The following SIPA1L1 variants were observed in gnomAD, a reference collection of about 807,000 sequenced individuals.
SIPA1L1 encodes signal-induced proliferation-associated 1-like protein 1.
SIPA1L1 carries 26 observed loss-of-function variants against 162.7 expected under a neutral mutation model. That is an observed-to-expected ratio of 0.16 (90% CI 0.12 to 0.22). The LOEUF (loss-of-function observed/expected upper bound fraction) is 0.22, where lower values mean the gene tolerates loss of function less well. Ranked by LOEUF, SIPA1L1 falls within the 10% of genes least tolerant of loss-of-function variation. The pLI is 1.00. For synonymous variants in SIPA1L1, 829 were observed against 837.4 expected (o/e 0.99, Z 0.17); for missense variants, 1,874 against 2,241.0 (o/e 0.84, Z 3.31).
chr14:71,393,085 A>G (rs1157100093), intron 2 of SIPA1L1, among the ~76,000 whole-genome samples: 1 of 152,364 alleles, frequency 6.6e-6, no homozygotes, highest in South Asian at 2.1e-4. Flanking sequence ...AAACCTTTGA[A>G]GTGTGTAAGA....
intron 4 of SIPA1L1, among the ~76,000 whole-genome samples, chr14:71,534,381 C>T (rs1030256057): frequency 2.6e-5 from 4 of 152,072 alleles, no homozygotes; most frequent in South Asian, 2.1e-4. Context: ...ATTATTTATT[C>T]GTGGCAGCAA....
intron 5 of SIPA1L1, among the ~76,000 whole-genome samples, chr14:71,599,761 A>G (rs1435854711): frequency 6.6e-6 from 1 of 152,080 alleles, no homozygotes; most frequent in East Asian, 1.9e-4. Context: ...TTTTCTCTGC[A>G]TCTTCACCAA....
chr14:71,577,246 C>T (rs537034137), intron 4 of SIPA1L1, among the ~76,000 whole-genome samples: 11 of 152,292 alleles, frequency 7.2e-5, no homozygotes, highest in Admixed American at 3.3e-4. Flanking sequence ...CATGCCTGCG[C>T]TGGACTGCAG....
At chr14:71,438,588 AGGACCAC>A (rs1239467822) in intron 2 of SIPA1L1, among the ~76,000 whole-genome samples, 2 of 152,242 alleles carry the variant, frequency 1.3e-5, no homozygotes, top group Non-Finnish European at 2.9e-5. Context: ...ATGTGGTAAA[AGGACCAC>A]GGTTGCTTTG....
In SIPA1L1 at chr14:71,481,487, A is replaced by AAAAC. The variant is rs1218497247; in HGVS notation, c.-464-31241_-464-31238dup. Among the ~76,000 whole-genome samples, 24 of 152,228 alleles carry AAAAC rather than the reference A, an allele frequency of 1.6e-4. No homozygotes were observed. The East Asian group carries it at 4.1e-3, about 26-fold the overall frequency. Reference sequence around the variant, plus strand: ...CCTGGGTGATAGCCAGACCTTCTGTAAAACAAACAAACAAACAACAACAAC... The same window carrying AAAAC: ...CCTGGGTGATAGCCAGACCTTCTGTAAAACAAACAAACAAACAAACAACAACAAC... On this transcript the variant is annotated intron_variant, in intron 2 of 23. Transcript: ENST00000381232.
At chr14:71,431,145 C>G (rs2043958247) in intron 2 of SIPA1L1, among the ~76,000 whole-genome samples, 1 of 152,134 alleles carries the variant, frequency 6.6e-6, no homozygotes, top group South Asian at 2.1e-4. Flanking sequence ...CTCACAGATC[C>G]TTGTTCTGCT....
At chr14:71,618,944 A>G in intron 6 of SIPA1L1, 57 bp downstream of exon 6, 1 of 1,573,138 alleles carries the variant, frequency 6.4e-7, no homozygotes, top group Non-Finnish European at 8.7e-7. Context: ...GAAAGCAAAT[A>G]GTAGCAGTAG....
intron 5 of SIPA1L1, among the ~76,000 whole-genome samples, chr14:71,593,447 A>G (rs2035652045): frequency 6.6e-6 from 1 of 151,996 alleles, no homozygotes; most frequent in Non-Finnish European, 1.5e-5. Context: ...CCTGGCCTTA[A>G]GTGATCTGCC....
At chr14:71,373,791 C>T (rs1271992843) in intron 2 of SIPA1L1, among the ~76,000 whole-genome samples, 1 of 151,952 alleles carries the variant, frequency 6.6e-6, no homozygotes, top group Non-Finnish European at 1.5e-5. Flanking sequence ...CCTGGTTGGG[C>T]TCAGTGGCTC....
intron 2 of SIPA1L1, among the ~76,000 whole-genome samples, chr14:71,437,736 T>C (rs932689265): frequency 6.6e-6 from 1 of 152,142 alleles, no homozygotes; most frequent in African/African-American, 2.4e-5. Context: ...CAACAAACAT[T>C]TCTGTTTTCC....
At chr14:71,582,667 T>C (rs749463058) in intron 4 of SIPA1L1, among the ~76,000 whole-genome samples, 6 of 152,222 alleles carry the variant, frequency 3.9e-5, no homozygotes, top group Non-Finnish European at 7.3e-5. Flanking sequence ...TCTATTCACT[T>C]TGTTAATTTT....
At chr14:71,544,051 A>G (rs1421148947) in intron 4 of SIPA1L1, among the ~76,000 whole-genome samples, 1 of 151,372 alleles carries the variant, frequency 6.6e-6, no homozygotes, top group African/African-American at 2.4e-5. Flanking sequence ...ACACGCACGC[A>G]CATGTATGTA....
At chr14:71,566,728 T>C (rs1195682874) in intron 4 of SIPA1L1, among the ~76,000 whole-genome samples, 2 of 152,230 alleles carry the variant, frequency 1.3e-5, no homozygotes, top group Non-Finnish European at 2.9e-5. Flanking sequence ...TAAAGGAACA[T>C]TTCTAAACTT....
intron 20 of SIPA1L1, among the ~76,000 whole-genome samples, chr14:71,731,233 A>G (rs998162374): frequency 6.6e-6 from 1 of 152,170 alleles, no homozygotes; most frequent in Non-Finnish European, 1.5e-5. Flanking sequence ...GCCCACGCTC[A>G]TGAATGTTCC....
chr14:71,368,421 TG>T (rs1180813181), intron 2 of SIPA1L1, among the ~76,000 whole-genome samples: 1 of 112,042 alleles, frequency 8.9e-6, no homozygotes, highest in Non-Finnish European at 1.8e-5. Context: ...TTTGGTTTTT[TG>T]TTCTTGCGAT....
At chr14:71,687,810 A>AC (rs2080979300) in intron 13 of SIPA1L1, among the ~76,000 whole-genome samples, 1 of 152,164 alleles carries the variant, frequency 6.6e-6, no homozygotes, top group Non-Finnish European at 1.5e-5. Flanking sequence ...CTTCTAGAAG[A>AC]CCATTAGAGT....
chr14:71,570,014 A>G (rs1164461717), intron 4 of SIPA1L1, among the ~76,000 whole-genome samples: 2 of 152,270 alleles, frequency 1.3e-5, no homozygotes, highest in Admixed American at 1.3e-4. Context: ...TTTAGCTTCT[A>G]CTATGGAAGG....
intron 4 of SIPA1L1, among the ~76,000 whole-genome samples, chr14:71,542,376 G>GCTGCTGCTTCTTC (rs2054493665): frequency 7.4e-6 from 1 of 135,742 alleles, no homozygotes; most frequent in African/African-American, 2.8e-5. Flanking sequence ...TCCTGCTGCT[G>GCTGCTGCTTCTTC]CTGCTGCTGC....
chr14:71,433,326 T>C (rs2044138312), intron 2 of SIPA1L1, among the ~76,000 whole-genome samples: 1 of 152,196 alleles, frequency 6.6e-6, no homozygotes, highest in Non-Finnish European at 1.5e-5. Flanking sequence ...CTGGATATTA[T>C]TATTATTTGA....
Sources: allele counts gnomAD v4.1 joint callset (sites outside exome capture counted in the v4.1 genomes callset), GRCh38; gene constraint gnomAD v4.1.1; transcripts MANE v1.5; gene names NCBI Gene and HGNC (gene_info 2026-07-23, HGNC 2026-07-21).